Variants in PMP22 observed in about 807,000 individuals in gnomAD.
PMP22 encodes the protein peripheral myelin protein 22, also known as Charcot-Marie-Tooth neuropathy 1A (greatly reduced nerve conduction velocity, hereditary motor sensory neuropathy Ia).
A neutral mutation model predicts 18.9 loss-of-function variants in PMP22; 2 were observed. The observed-to-expected ratio is 0.11, with a 90% CI of 0.04 to 0.33. The LOEUF (loss-of-function observed/expected upper bound fraction) is 0.33, where lower values mean the gene tolerates loss of function less well. Ranked by LOEUF, PMP22 falls within the 10% of genes least tolerant of loss-of-function variation. PMP22 has a pLI of 1.00. For missense variants in PMP22, 169 were observed against 202.2 expected (o/e 0.84, Z 1.00); for synonymous variants, 95 against 89.2 (o/e 1.07, Z -0.37).
Position 15,239,577 on chromosome 17 carries a change from C to T in PMP22, c.213G>A (p.Leu71=). 1.2e-6 allele frequency: 2 copies of T among 1,613,856 alleles called. No homozygotes were observed. The highest frequency in any genetic ancestry group is 2.2e-5 in the South Asian group (2 of 91,070). ...GAGACAGAATGCTGAAGATGATCGA[C>T]AGGATCATGGTGGCCTGGACAGACT... ...WLQSVQATMI[L]SIIFSILSLF... The change falls in exon 4 of 5, where the codon CTG becomes CTA. Residue 71 remains leucine (L), a synonymous_variant. Transcript: ENST00000312280.
In PMP22 at chr17:15,259,178, T is replaced by C; in HGVS notation, c.94A>G (p.Asn32Asp). The C allele has an allele frequency of 6.2e-7, 1 of 1,613,062 alleles. No homozygotes were observed. The highest frequency in any genetic ancestry group is 8.5e-7 in the Non-Finnish European group (1 of 1,179,062). ...STIVSQWIVG[N>D]GHATDLWQNC... ...TGCCAGAGATCAGTTGCGTGTCCAT[T>C]GCCCACGATCCATTGCTAGAGAGAA... The change falls in exon 3 of 5, where the codon AAT becomes GAT. Residue 32 changes from asparagine (N) to aspartate (D), a missense_variant. Physicochemically the swap from Asn to Asp is conservative, Grantham distance 23. Transcript: ENST00000312280.
chr17:15,239,636 G>A (rs781367998), intron 3 of PMP22, 25 bp from the exon 4 acceptor site: 3 of 1,613,338 alleles, frequency 1.9e-6, no homozygotes, highest in Non-Finnish European at 2.5e-6. Context: ...CACTTGGTTA[G>A]GAGAGCTGGC....
At chr17:15,263,243 G>A (rs1029807387) in intron 1 of PMP22, among the ~76,000 whole-genome samples, 5 of 152,210 alleles carry the variant, frequency 3.3e-5, no homozygotes, top group African/African-American at 9.7e-5. Context: ...GGCAAAACCA[G>A]ACTACCACCG....
At chr17:15,232,275 G>A (rs922949295) in intron 4 of PMP22, 1 of 152,254 alleles carries the variant, frequency 6.6e-6, no homozygotes, top group Non-Finnish European at 1.5e-5. Flanking sequence ...CTGCAACTCA[G>A]AGGAGAAAAC....
Position 15,261,172 on chromosome 17 carries a change from G to T in PMP22, c.-34-411C>A. The T allele has an allele frequency of 6.3e-6, 1 of 157,742 alleles. No individual in the cohort carries two copies. Among genetic ancestry groups the T allele is most frequent in the Non-Finnish European group, 1.4e-5 (1 of 72,538 alleles). 9.8% of individuals were successfully genotyped at this position (157,742 alleles called of 1,614,324 possible). On this transcript the variant is annotated intron_variant, in intron 1 of 4. Coordinates refer to ENST00000312280, the MANE Select transcript of PMP22 (RefSeq NM_000304.4). This position sits in a 1 kb window ranked among gnomAD's most constrained non-coding sequence, Gnocchi z 5.2. The stretch of plus-strand genomic sequence containing the variant: ...CGTTCTCCGAGACCCCGGTTCAGAT[G>T]GTGAATTCCCCTATGGGGTGGAGGT...
intron 4 of PMP22, chr17:15,232,739 A>T (rs1906465990): frequency 1.3e-5 from 2 of 152,262 alleles, no homozygotes; most frequent in Admixed American, 6.5e-5. Flanking sequence ...ATCTGGCATG[A>T]GAAATGCCTC....
intron 1 of PMP22, 31 bp from the exon 2 acceptor site, chr17:15,260,792 A>C: frequency 3.5e-4 from 453 of 1,309,644 alleles, no homozygotes; most frequent in Non-Finnish European, 4.3e-4. Context: ...GTGAGGCCGA[A>C]CGCACTGGGC....
At chr17:15,263,044 T>G (rs1909468406) in intron 1 of PMP22, among the ~76,000 whole-genome samples, 1 of 152,202 alleles carries the variant, frequency 6.6e-6, no homozygotes. Context: ...TGCCCTGTCC[T>G]GGCGTCTTAG....
At chr17:15,231,197 G>C in intron 4 of PMP22, 117 bp from the exon 5 acceptor site, 3 of 1,000,830 alleles carry the variant, frequency 3.0e-6, no homozygotes, top group Non-Finnish European at 4.6e-6. Context: ...CCTCTGGAAG[G>C]AAATCTGCTT....
At chr17:15,242,706 A>T (rs1038742302) in intron 3 of PMP22, among the ~76,000 whole-genome samples, 1 of 152,210 alleles carries the variant, frequency 6.6e-6, no homozygotes, top group Admixed American at 6.5e-5. Context: ...AGGATTAACA[A>T]ATCTGTCCTA....
At chr17:15,235,426 T>G in intron 4 of PMP22, 1 of 669,338 alleles carries the variant, frequency 1.5e-6, no homozygotes, top group East Asian at 2.7e-5. Context: ...TAGGTCTGTG[T>G]CTAGATTAAT....
chr17:15,231,464 C>T (rs1906344094), intron 4 of PMP22, among the ~76,000 whole-genome samples: 1 of 152,150 alleles, frequency 6.6e-6, no homozygotes, highest in Non-Finnish European at 1.5e-5. Context: ...AATCTATATG[C>T]CACTCTACAA....
At chr17:15,235,255 G>A (rs761225505) in intron 4 of PMP22, 33 of 717,386 alleles carry the variant, frequency 4.6e-5, no homozygotes, top group Admixed American at 1.2e-4. Context: ...TCTTAATCCC[G>A]GTAACCACAC....
chr17:15,259,785 CAA>C (rs551702415), intron 2 of PMP22, among the ~76,000 whole-genome samples: 5 of 130,488 alleles, frequency 3.8e-5, no homozygotes, highest in Admixed American at 1.6e-4. Flanking sequence ...ACTAAAAATA[CAA>C]AAAAAAAAAA....
intron 1 of PMP22, among the ~76,000 whole-genome samples, chr17:15,263,160 G>A (rs1909476374): frequency 6.6e-6 from 1 of 152,208 alleles, no homozygotes; most frequent in South Asian, 2.1e-4. Context: ...CTCCTCTTGG[G>A]TGCGAATTAG....
At chr17:15,239,086 A>G (rs1053049867) in intron 4 of PMP22, among the ~76,000 whole-genome samples, 1 of 152,220 alleles carries the variant, frequency 6.6e-6, no homozygotes, top group Non-Finnish European at 1.5e-5. Flanking sequence ...CTGGAGGCAT[A>G]ATGTAATCTA....
chr17:15,238,328 T>C (rs1021268520), intron 4 of PMP22, among the ~76,000 whole-genome samples: 1 of 152,220 alleles, frequency 6.6e-6, no homozygotes, highest in African/African-American at 2.4e-5. Context: ...ACATCTAACC[T>C]TGGGCTGTGT....
At chr17:15,238,077 T>TGAAGAG (rs1906966619) in intron 4 of PMP22, among the ~76,000 whole-genome samples, 1 of 152,134 alleles carries the variant, frequency 6.6e-6, no homozygotes, top group African/African-American at 2.4e-5. Flanking sequence ...AACTCTTCAC[T>TGAAGAG]TTAACGTACC....
At chr17:15,246,774 T>A (rs1457136314) in intron 3 of PMP22, among the ~76,000 whole-genome samples, 1 of 152,142 alleles carries the variant, frequency 6.6e-6, no homozygotes, top group Non-Finnish European at 1.5e-5. Flanking sequence ...GCACTGGAAT[T>A]AAAAACTAAA....
Sources: gnomAD v4.1 joint callset for allele counts (sites outside exome capture counted in the v4.1 genomes callset) on GRCh38, gnomAD v4.1.1 for gene constraint, Gnocchi (gnomAD v3.1) non-coding constraint, MANE v1.5 for transcripts, NCBI Gene and HGNC (gene_info 2026-07-23, HGNC 2026-07-21) for gene names.